The following TRPC7 variants were observed in gnomAD, a reference collection of about 807,000 sequenced individuals.
TRPC7 encodes the protein short transient receptor potential channel 7.
A neutral mutation model predicts 90.1 loss-of-function variants in TRPC7; 42 were observed. The observed-to-expected ratio is 0.47, with a 90% confidence interval of 0.36 to 0.60. The LOEUF (loss-of-function observed/expected upper bound fraction) is 0.60, where lower values mean the gene tolerates loss of function less well. Among genes scored for constraint, TRPC7 ranks in the 20% least tolerant of loss-of-function variants. The pLI is 0.00. For synonymous variants in TRPC7, 451 were observed against 436.3 expected (o/e 1.03, Z -0.42); for missense variants, 955 against 1,112.3 (o/e 0.86, Z 2.01).
intron 2 of TRPC7, among the ~76,000 whole-genome samples, chr5:136,320,633 C>T (rs1759165975): frequency 6.6e-6 from 1 of 152,184 alleles, no homozygotes; most frequent in Non-Finnish European, 1.5e-5. Flanking sequence ...ACACTATCCT[C>T]CAGCCTCCCC....
chr5:136,306,502 T>G (rs1466119626), intron 3 of TRPC7, among the ~76,000 whole-genome samples: 8 of 151,932 alleles, frequency 5.3e-5, no homozygotes, highest in Admixed American at 4.6e-4. Flanking sequence ...CCCCAAAAAT[T>G]TTTGCCACCC....
chr5:136,357,438 T>C, intron 1 of TRPC7, 53 bp from the exon 2 acceptor site: 2 of 1,507,626 alleles, frequency 1.3e-6, no homozygotes, highest in Non-Finnish European at 8.8e-7. Context: ...TCCCTAGCAG[T>C]AGAGCACACA....
At chr5:136,287,785 G>A (rs1757782004) in intron 3 of TRPC7, among the ~76,000 whole-genome samples, 1 of 141,466 alleles carries the variant, frequency 7.1e-6, no homozygotes, top group Admixed American at 7.7e-5. Flanking sequence ...GCTTAGGACA[G>A]ATTGCGGTGA....
chr5:136,264,975 C>G (rs1756976560), intron 5 of TRPC7, among the ~76,000 whole-genome samples: 1 of 152,146 alleles, frequency 6.6e-6, no homozygotes, highest in Admixed American at 6.5e-5. Flanking sequence ...ATCTCATCTT[C>G]CTTTGCCTAT....
At chr5:136,365,154 A>T (rs1760682631) in intron 1 of TRPC7, 99 bp downstream of exon 1, 1 of 1,346,070 alleles carries the variant, frequency 7.4e-7, no homozygotes, top group Non-Finnish European at 1.0e-6. Context: ...CACTAGAGGA[A>T]GAAGGCTGAT....
intron 2 of TRPC7, among the ~76,000 whole-genome samples, chr5:136,330,880 C>T (rs190212026): frequency 2.0e-5 from 3 of 152,342 alleles, no homozygotes; most frequent in Non-Finnish European, 4.4e-5. Context: ...TTTGGACTCT[C>T]ACCCGGAGAT....
At chr5:136,277,268 T>A (rs988392795) in intron 3 of TRPC7, among the ~76,000 whole-genome samples, 2 of 152,108 alleles carry the variant, frequency 1.3e-5, no homozygotes, top group Non-Finnish European at 2.9e-5. Flanking sequence ...AACAGAGGGG[T>A]CTCTTGGGGC....
intron 2 of TRPC7, among the ~76,000 whole-genome samples, chr5:136,329,138 G>A (rs1486059477): frequency 6.6e-6 from 1 of 152,168 alleles, no homozygotes; most frequent in African/African-American, 2.4e-5. Context: ...TGGCATTTGT[G>A]AAATCCCAGA....
intron 1 of TRPC7, among the ~76,000 whole-genome samples, chr5:136,358,974 T>C (rs1760476059): frequency 6.6e-6 from 1 of 152,246 alleles, no homozygotes; most frequent in Non-Finnish European, 1.5e-5. Flanking sequence ...TTTTAATTTG[T>C]TATGTCTTCA....
At chr5:136,257,185 C>CT (rs1381833657) in intron 5 of TRPC7, among the ~76,000 whole-genome samples, 1,436 of 139,030 alleles carry the variant, frequency 0.01, 8 homozygotes, top group African/African-American at 0.024. Flanking sequence ...GTTTTTCTTT[C>CT]TTTTTTTTTT....
At chr5:136,363,139 C>G (rs991043802) in intron 1 of TRPC7, among the ~76,000 whole-genome samples, 6 of 152,058 alleles carry the variant, frequency 3.9e-5, no homozygotes, top group African/African-American at 1.4e-4. Flanking sequence ...CCATAAGTTG[C>G]TAGATGAAGC....
At chr5:136,302,426 G>A (rs1337020682) in intron 3 of TRPC7, among the ~76,000 whole-genome samples, 2 of 152,074 alleles carry the variant, frequency 1.3e-5, no homozygotes, top group African/African-American at 4.8e-5. Flanking sequence ...TTTTCTAGGG[G>A]ACAAGAACCC....
chr5:136,273,025 CCA>C (rs1185946687), intron 4 of TRPC7, among the ~76,000 whole-genome samples: 1 of 152,210 alleles, frequency 6.6e-6, no homozygotes, highest in Admixed American at 6.5e-5. Context: ...CAGAGGCAAG[CCA>C]GTTTGCTCCT....
At chr5:136,288,126 A>G (rs1236268308) in intron 3 of TRPC7, among the ~76,000 whole-genome samples, 1 of 152,100 alleles carries the variant, frequency 6.6e-6, no homozygotes, top group Non-Finnish European at 1.5e-5. Context: ...TTACAAAGGA[A>G]GAAACTGAGG....
In TRPC7 at chr5:136,278,646, A is replaced by C. The variant is rs574886665; in HGVS notation, c.964-3809T>G. ...GGACCAGGAAAAAATTCATACCATCATCTGGAGGGGATGCCCCAAGAAAAG... is the reference window on the plus strand; with the variant it reads ...GGACCAGGAAAAAATTCATACCATCCTCTGGAGGGGATGCCCCAAGAAAAG... On this transcript the variant is annotated intron_variant, in intron 3 of 11. Transcript: ENST00000513104. Among the ~76,000 whole-genome samples the C allele has an allele frequency of 2.0e-5, 3 of 152,292 alleles. No individual in the cohort carries two copies. In the South Asian group the frequency reaches 6.2e-4, roughly 32 times the overall value.
chr5:136,303,116 C>T (rs373406336), intron 3 of TRPC7, among the ~76,000 whole-genome samples: 2 of 152,074 alleles, frequency 1.3e-5, no homozygotes, highest in Admixed American at 1.3e-4. Flanking sequence ...GCAATTTACT[C>T]GAAAAGGTGG....
chr5:136,263,239 A>G (rs1281357300), intron 5 of TRPC7, among the ~76,000 whole-genome samples: 3 of 152,180 alleles, frequency 2.0e-5, no homozygotes, highest in Admixed American at 6.5e-5. Context: ...GTGTGTCTCT[A>G]TAGTACAAAG....
intron 3 of TRPC7, among the ~76,000 whole-genome samples, chr5:136,306,560 G>A (rs1000783458): frequency 3.3e-5 from 5 of 152,108 alleles, no homozygotes; most frequent in Non-Finnish European, 7.4e-5. Context: ...AAGAAAGCAG[G>A]AATGTCAGGC....
intron 8 of TRPC7, among the ~76,000 whole-genome samples, chr5:136,227,695 A>G (rs1042381330): frequency 1.3e-5 from 2 of 152,198 alleles, no homozygotes; most frequent in Non-Finnish European, 1.5e-5. Flanking sequence ...GAAGTGTGGT[A>G]TAGTGCAAAG....
Sources: allele counts gnomAD v4.1 joint callset (sites outside exome capture counted in the v4.1 genomes callset), GRCh38; gene constraint gnomAD v4.1.1; transcripts MANE v1.5; gene names NCBI Gene and HGNC (gene_info 2026-07-23, HGNC 2026-07-21).